Variants in ROR1 observed in about 807,000 individuals in gnomAD.
ROR1 encodes the protein inactive tyrosine-protein kinase transmembrane receptor ROR1.
Under a neutral mutation model 78.8 loss-of-function variants are expected in ROR1, and 19 were observed. The ratio of observed to expected loss-of-function variants is 0.24; its 90% CI spans 0.17 to 0.35. The LOEUF (loss-of-function observed/expected upper bound fraction) is 0.35, where lower values mean the gene tolerates loss of function less well. Ranked by LOEUF, ROR1 falls within the 10% of genes least tolerant of loss-of-function variation. The pLI is 1.00. For missense variants in ROR1, 917 were observed against 1,177.8 expected (o/e 0.78, Z 3.24); for synonymous variants, 386 against 433.6 (o/e 0.89, Z 1.36).
intron 1 of ROR1, among the ~76,000 whole-genome samples, chr1:63,786,473 C>T (rs1035222078): frequency 8.6e-5 from 13 of 151,128 alleles, no homozygotes; most frequent in Non-Finnish European, 1.5e-4. Flanking sequence ...GGGGTTTCAC[C>T]GTGTTAGCCA....
At chr1:64,034,497 G>A (rs1261416466) in intron 2 of ROR1, among the ~76,000 whole-genome samples, 1 of 152,090 alleles carries the variant, frequency 6.6e-6, no homozygotes, top group African/African-American at 2.4e-5. Flanking sequence ...AGTTTTTTAA[G>A]CATTTATAGC....
chr1:64,177,681 C>T lies in ROR1; in HGVS notation c.1640C>T (p.Pro547Leu). The change falls in exon 9 of 9, where the codon CCT becomes CTT. Residue 547 changes from proline (P) to leucine (L), a missense_variant. By Grantham distance (98) the Pro-to-Leu change is moderately conservative. Coordinates refer to ENST00000371079, the MANE Select transcript of ROR1 (RefSeq NM_005012.4). ...CTAGGTGCCGTCACTCAGGAACAAC[C>T]TGTGTGCATGCTTTTTGAGTATATT... ...CLLGAVTQEQ[P>L]VCMLFEYINQ... 6.2e-7 allele frequency: 1 copy of T among 1,614,188 alleles called. No individual in the cohort carries two copies. The highest frequency in any genetic ancestry group is 2.2e-5 in the East Asian group (1 of 44,878).
intron 1 of ROR1, among the ~76,000 whole-genome samples, chr1:63,956,889 A>C (rs1018533853): frequency 6.6e-5 from 10 of 152,180 alleles, no homozygotes; most frequent in South Asian, 2.1e-4. Flanking sequence ...AGTTGAAAAC[A>C]CTACCTTGCA....
chr1:64,085,664 A>G (rs2100637622), intron 4 of ROR1, among the ~76,000 whole-genome samples: 1 of 152,294 alleles, frequency 6.6e-6, no homozygotes, highest in Middle Eastern at 3.4e-3. Context: ...CCCAAGCAGC[A>G]AGGAGGGCAG....
At chr1:63,940,728 T>C (rs1380109374) in intron 1 of ROR1, among the ~76,000 whole-genome samples, 1 of 152,140 alleles carries the variant, frequency 6.6e-6, no homozygotes, top group Non-Finnish European at 1.5e-5. Context: ...GAACAGGATA[T>C]TTGTATGGGT....
intron 4 of ROR1, among the ~76,000 whole-genome samples, chr1:64,054,351 C>G (rs1360748908): frequency 6.6e-6 from 1 of 151,976 alleles, no homozygotes; most frequent in Non-Finnish European, 1.5e-5. Context: ...GACCTTGGCT[C>G]ACTGCAACCC....
chr1:64,062,950 G>A (rs1646928674), intron 4 of ROR1, among the ~76,000 whole-genome samples: 1 of 152,158 alleles, frequency 6.6e-6, no homozygotes, highest in Non-Finnish European at 1.5e-5. Context: ...TGGAGCCTAT[G>A]AAATGAATTT....
chr1:63,977,990 G>T (rs1288842790), intron 1 of ROR1, among the ~76,000 whole-genome samples: 1 of 152,052 alleles, frequency 6.6e-6, no homozygotes, highest in Non-Finnish European at 1.5e-5. Context: ...ACAGATTTTC[G>T]TACTATTTAG....
intron 1 of ROR1, among the ~76,000 whole-genome samples, chr1:63,814,670 G>A (rs1444936820): frequency 3.3e-5 from 5 of 151,814 alleles, no homozygotes; most frequent in East Asian, 1.9e-4. Flanking sequence ...TAGATACCTC[G>A]CATATGCAGT....
intron 1 of ROR1, among the ~76,000 whole-genome samples, chr1:63,807,076 G>A (rs1214207717): frequency 6.6e-6 from 1 of 152,156 alleles, no homozygotes; most frequent in South Asian, 2.1e-4. Flanking sequence ...TTACAACTGG[G>A]AGGGACTTTT....
intron 2 of ROR1, among the ~76,000 whole-genome samples, chr1:64,009,717 T>G (rs1257855508): frequency 2.6e-5 from 4 of 152,194 alleles, no homozygotes; most frequent in African/African-American, 9.6e-5. Flanking sequence ...CAAGCCAGGA[T>G]TCATCAGAGC....
chr1:64,158,467 G>A (rs926198803), intron 7 of ROR1, among the ~76,000 whole-genome samples: 1 of 152,146 alleles, frequency 6.6e-6, no homozygotes, highest in African/African-American at 2.4e-5. Flanking sequence ...TTGGACACTG[G>A]GACCAGGATT....
rs576375944 is a variant in ROR1 at position 63,978,667 on chromosome 1, A to AATCC, written c.92-30637_92-30634dup. The stretch of plus-strand genomic sequence containing the variant: ...CACTTCTGGTTATATAAATCAAAGA[A>AATCC]ATCCTCATATGGTTCTATAAGAGAA... On this transcript the variant is annotated intron_variant, in intron 1 of 8. Transcript: ENST00000371079. Among the ~76,000 whole-genome samples the AATCC allele has an allele frequency of 2.0e-3, 312 of 152,364 alleles. 1 individual carries two copies. In the Middle Eastern group the frequency reaches 0.024, roughly 12 times the overall value.
intron 1 of ROR1, among the ~76,000 whole-genome samples, chr1:63,909,890 TG>T (rs1244179246): frequency 6.6e-6 from 1 of 152,154 alleles, no homozygotes; most frequent in Non-Finnish European, 1.5e-5. Context: ...TTGTTTGGCG[TG>T]CTGCAAAAAA....
chr1:63,983,341 T>C (rs1362588098), intron 1 of ROR1, among the ~76,000 whole-genome samples: 1 of 152,238 alleles, frequency 6.6e-6, no homozygotes, highest in Non-Finnish European at 1.5e-5. Flanking sequence ...CAGCAAGTCC[T>C]CTGCCCTGGA....
intron 1 of ROR1, among the ~76,000 whole-genome samples, chr1:63,992,818 C>T (rs11808212): frequency 0.04 from 6,063 of 152,206 alleles, 400 homozygotes; most frequent in African/African-American, 0.14. Flanking sequence ...AGTATGATTG[C>T]TCTGCTAATG....
intron 1 of ROR1, among the ~76,000 whole-genome samples, chr1:63,935,441 G>A (rs952414880): frequency 6.6e-6 from 1 of 152,180 alleles, no homozygotes; most frequent in Non-Finnish European, 1.5e-5. Context: ...ATTGTAGAGG[G>A]TGGCACAGAT....
chr1:63,897,952 AC>A (rs768366138), intron 1 of ROR1, among the ~76,000 whole-genome samples: 1 of 152,190 alleles, frequency 6.6e-6, no homozygotes, highest in African/African-American at 2.4e-5. Flanking sequence ...TAGTTAACTT[AC>A]TGCCAATCTC....
At chr1:63,937,373 A>C (rs1252056829) in intron 1 of ROR1, among the ~76,000 whole-genome samples, 1 of 152,186 alleles carries the variant, frequency 6.6e-6, no homozygotes, top group Non-Finnish European at 1.5e-5. Flanking sequence ...CCACTCTAGG[A>C]ATGCCCTTTC....
Sources: allele counts gnomAD v4.1 joint callset (sites outside exome capture counted in the v4.1 genomes callset), GRCh38; gene constraint gnomAD v4.1.1; transcripts MANE v1.5; gene names NCBI Gene and HGNC (gene_info 2026-07-23, HGNC 2026-07-21).